The following SGCZ variants were observed in gnomAD, a reference collection of about 807,000 sequenced individuals.
SGCZ encodes sarcoglycan zeta.
In SGCZ, 40 loss-of-function variants were observed where a neutral mutation model predicts 41.3. The ratio of observed to expected loss-of-function variants is 0.97; its 90% CI spans 0.75 to 1.26. The LOEUF (loss-of-function observed/expected upper bound fraction) is 1.26. Ranked by LOEUF, SGCZ falls within the 50% of genes most tolerant of loss-of-function variation. The pLI is 0.00. For missense variants in SGCZ, 552 were observed against 369.8 expected (o/e 1.49, Z -4.04); for synonymous variants, 206 against 137.5 (o/e 1.50, Z -3.49).
intron 1 of SGCZ, among the ~76,000 whole-genome samples, chr8:14,704,278 T>A (rs368884227): frequency 1.3e-5 from 2 of 151,982 alleles, no homozygotes; most frequent in East Asian, 3.8e-4. Context: ...CTCTCTTTAA[T>A]TCAGTTTCTT....
chr8:14,118,846 A>G (rs1802603633), intron 5 of SGCZ, among the ~76,000 whole-genome samples: 2 of 152,284 alleles, frequency 1.3e-5, no homozygotes, highest in African/African-American at 4.8e-5. Context: ...TGTTTTTGTC[A>G]GATTTGTCAA....
At chr8:14,739,836 C>T (rs1799147433) in intron 1 of SGCZ, among the ~76,000 whole-genome samples, 1 of 152,038 alleles carries the variant, frequency 6.6e-6, no homozygotes, top group Non-Finnish European at 1.5e-5. Context: ...TCAACAGGGG[C>T]TTCCATTTTT....
chr8:14,767,848 T>C (rs1436510647), intron 1 of SGCZ, among the ~76,000 whole-genome samples: 1 of 152,182 alleles, frequency 6.6e-6, no homozygotes, highest in Non-Finnish European at 1.5e-5. Flanking sequence ...AATTCATATT[T>C]AGATTCTTCC....
At chr8:14,436,318 G>A (rs2117353164) in intron 2 of SGCZ, among the ~76,000 whole-genome samples, 1 of 152,232 alleles carries the variant, frequency 6.6e-6, no homozygotes, top group African/African-American at 2.4e-5. Flanking sequence ...AATATTCAGC[G>A]CATATTAAAA....
intron 1 of SGCZ, among the ~76,000 whole-genome samples, chr8:14,795,994 A>C (rs1041646456): frequency 6.6e-6 from 1 of 152,118 alleles, no homozygotes; most frequent in Admixed American, 6.6e-5. Context: ...GTCCCTGCAA[A>C]GGACAAGATC....
intron 2 of SGCZ, among the ~76,000 whole-genome samples, chr8:14,379,357 T>C (rs534364425): frequency 7.9e-5 from 12 of 152,244 alleles, no homozygotes; most frequent in Non-Finnish European, 1.8e-4. Context: ...GATGATATAA[T>C]GATAGAGAAA....
At chr8:14,307,524 T>C (rs933557079) in intron 3 of SGCZ, among the ~76,000 whole-genome samples, 2 of 152,172 alleles carry the variant, frequency 1.3e-5, no homozygotes. Context: ...TGACCTAACC[T>C]TTCTTCAGCA....
chr8:14,149,551 G>A lies in SGCZ; in HGVS notation c.547+15029C>T, dbSNP rs1233900921. Among the ~76,000 whole-genome samples, 6 of 151,452 alleles carry A rather than the reference G, an allele frequency of 4.0e-5. No individual in the cohort carries two copies. The East Asian group carries it at 9.7e-4, about 25-fold the overall frequency. ...CAAAAAATGAAAATAAATAGTTCAT[G>A]TATATGGATCGGAAGAATCAATGTT... On this transcript the variant is annotated intron_variant, in intron 5 of 7. Transcript: ENST00000382080.
chr8:14,106,917 C>T (rs1003437654), intron 6 of SGCZ, among the ~76,000 whole-genome samples: 1 of 152,064 alleles, frequency 6.6e-6, no homozygotes, highest in Non-Finnish European at 1.5e-5. Flanking sequence ...CCAAATCTTA[C>T]GTATTGAATT....
chr8:14,234,933 C>A (rs749765624), intron 4 of SGCZ, among the ~76,000 whole-genome samples: 4 of 152,120 alleles, frequency 2.6e-5, no homozygotes, highest in African/African-American at 9.7e-5. Flanking sequence ...CACAGATACA[C>A]TGAATAGAAA....
chr8:14,316,975 C>A (rs1367802102), intron 3 of SGCZ, among the ~76,000 whole-genome samples: 1 of 151,924 alleles, frequency 6.6e-6, no homozygotes, highest in African/African-American at 2.4e-5. Context: ...ATTCCCAATT[C>A]TTCTTTGCAG....
chr8:14,446,073 T>C (rs1023341240), intron 2 of SGCZ, among the ~76,000 whole-genome samples: 2 of 152,194 alleles, frequency 1.3e-5, no homozygotes, highest in African/African-American at 4.8e-5. Flanking sequence ...AGAAAAATCC[T>C]GAATCAGTTG....
intron 1 of SGCZ, among the ~76,000 whole-genome samples, chr8:14,976,640 CT>C (rs1801488219): frequency 6.6e-6 from 1 of 152,114 alleles, no homozygotes; most frequent in African/African-American, 2.4e-5. Flanking sequence ...CACTTTCACC[CT>C]AGCAAGAGAA....
At chr8:14,427,006 G>A (rs1472637568) in intron 2 of SGCZ, among the ~76,000 whole-genome samples, 2 of 150,168 alleles carry the variant, frequency 1.3e-5, no homozygotes, top group East Asian at 3.9e-4. Flanking sequence ...TGGCTCAGTA[G>A]CCTGTTTGCA....
intron 1 of SGCZ, among the ~76,000 whole-genome samples, chr8:14,915,627 C>T (rs1799411905): frequency 6.6e-6 from 1 of 152,232 alleles, no homozygotes; most frequent in East Asian, 1.9e-4. Context: ...AAGATTAGGG[C>T]ACGGCGACCA....
intron 1 of SGCZ, among the ~76,000 whole-genome samples, chr8:14,858,477 A>G (rs1055888757): frequency 1.3e-5 from 2 of 152,148 alleles, no homozygotes; most frequent in Non-Finnish European, 2.9e-5. Context: ...AACATGAGAA[A>G]AATCTGGACT....
At chr8:14,101,466 A>C (rs1246169084) in intron 7 of SGCZ, among the ~76,000 whole-genome samples, 2 of 152,254 alleles carry the variant, frequency 1.3e-5, no homozygotes, top group Admixed American at 6.5e-5. Context: ...GATAACAATA[A>C]TCATGTATAC....
At chr8:14,998,536 G>A (rs967372902) in intron 1 of SGCZ, among the ~76,000 whole-genome samples, 7 of 152,008 alleles carry the variant, frequency 4.6e-5, no homozygotes, top group Non-Finnish European at 7.4e-5. Flanking sequence ...TTTTTCTTAA[G>A]AATCAATCCC....
intron 5 of SGCZ, among the ~76,000 whole-genome samples, chr8:14,158,422 TA>T (rs2116969879): frequency 6.6e-6 from 1 of 152,228 alleles, no homozygotes; most frequent in African/African-American, 2.4e-5. Context: ...CCAACAGCTA[TA>T]AAAGCTGACT....
Sources: gnomAD v4.1 joint callset for allele counts (sites outside exome capture counted in the v4.1 genomes callset) on GRCh38, gnomAD v4.1.1 for gene constraint, MANE v1.5 for transcripts, NCBI Gene and HGNC (gene_info 2026-07-23, HGNC 2026-07-21) for gene names.